CNTNAP3B: variants seen among roughly 807,000 people sequenced by gnomAD.
CNTNAP3B encodes the protein contactin associated protein family member 3B.
Under a neutral mutation model 108.9 loss-of-function variants are expected in CNTNAP3B, and 25 were observed. The ratio of observed to expected loss-of-function variants is 0.23; its 90% confidence interval spans 0.17 to 0.32. CNTNAP3B has a LOEUF of 0.32. Among genes scored for constraint, CNTNAP3B ranks in the 10% least tolerant of loss-of-function variants. The pLI is 1.00. For missense variants in CNTNAP3B, 252 were observed against 1,210.4 expected (o/e 0.21, Z 11.75); for synonymous variants, 103 against 473.4 (o/e 0.22, Z 10.16).
intron 3 of CNTNAP3B, among the ~76,000 whole-genome samples, chr9:42,055,304 T>TATAC (rs1309326857): frequency 7.4e-6 from 1 of 135,662 alleles, no homozygotes; most frequent in African/African-American, 2.9e-5. Context: ...TATATATATA[T>TATAC]ATACATATAT....
At chr9:41,940,867 A>C (rs1180980177) in intron 13 of CNTNAP3B, among the ~76,000 whole-genome samples, 18 of 152,376 alleles carry the variant, frequency 1.2e-4, no homozygotes, top group Admixed American at 5.2e-4. Context: ...AAACTAAAAT[A>C]ATTTGTCGCT....
rs1390217999 is a variant in CNTNAP3B, at chr9:41,956,594, C to T, written c.1877-3208G>A. Among the ~76,000 whole-genome samples, 10 of 150,148 alleles carry T rather than the reference C, an allele frequency of 6.7e-5. No homozygotes were observed. The East Asian group carries it at 1.2e-3, about 18-fold the overall frequency. On this transcript the variant is annotated intron_variant, in intron 12 of 23. Coordinates refer to ENST00000377561, the MANE Select transcript of CNTNAP3B (RefSeq NM_001201380.3). ...CCCAGAAGAAAAAAGAAAATAAGAT[C>T]CACTGTGTTCTGTTGTCAGGAGCAT...
chr9:42,030,176 C>A (rs1190016695), intron 3 of CNTNAP3B, among the ~76,000 whole-genome samples: 1 of 85,950 alleles, frequency 1.2e-5, no homozygotes, highest in East Asian at 3.9e-4. Context: ...AAAAAGAAGA[C>A]TGAAATAAAA....
At chr9:42,120,055 G>T (rs1828424673) in intron 1 of CNTNAP3B, among the ~76,000 whole-genome samples, 1 of 150,006 alleles carries the variant, frequency 6.7e-6, no homozygotes, top group South Asian at 2.1e-4. Flanking sequence ...AGAATGGAAG[G>T]AAATTTTTGC....
intron 15 of CNTNAP3B, chr9:41,926,883 G>C (rs1244491836): frequency 6.6e-6 from 1 of 152,426 alleles, no homozygotes; most frequent in Non-Finnish European, 1.5e-5. Flanking sequence ...TTTCCAGAGA[G>C]AAAATAATCT....
At chr9:42,087,182 C>A in intron 2 of CNTNAP3B, among the ~76,000 whole-genome samples, 1 of 140,030 alleles carries the variant, frequency 7.1e-6, no homozygotes, top group South Asian at 2.3e-4. Context: ...TGTTAAAATT[C>A]ACTTATTAGT....
At position 41,953,117 on chromosome 9, in the gene CNTNAP3B, A is replaced by G. The variant is rs1331305151; in HGVS notation, c.2080+66T>C. The G allele has an allele frequency of 1.1e-5, 15 of 1,426,570 alleles. No homozygotes were observed. In the African/African-American group the frequency reaches 1.2e-4, roughly 11 times the overall value. 88.4% of individuals were successfully genotyped at this position (1,426,570 alleles called of 1,614,324 possible). A position where few individuals can be genotyped will look rare whatever the true frequency, so the allele number is the denominator to read the frequency against. On this transcript the variant is annotated intron_variant, in intron 13 of 23. Transcript: ENST00000377561. ...CCCTGGCCTTTTCTCCCTCAAAGGC[A>G]TCTCGCAGCCCGAGGGCCGCGCCCC...
chr9:41,913,421 T>C (rs1158801209), intron 18 of CNTNAP3B, among the ~76,000 whole-genome samples: 3 of 151,898 alleles, frequency 2.0e-5, no homozygotes, highest in Non-Finnish European at 4.4e-5. Context: ...ATTTGTTTTC[T>C]TTTCACTTTC....
At chr9:41,999,546 CATACA>C (rs1166913242) in intron 4 of CNTNAP3B, among the ~76,000 whole-genome samples, 4 of 123,144 alleles carry the variant, frequency 3.2e-5, no homozygotes, top group African/African-American at 1.4e-4. Context: ...CACACACACA[CATACA>C]CACACACACA....
At chr9:42,110,316 T>G (rs1022986777) in intron 1 of CNTNAP3B, among the ~76,000 whole-genome samples, 1 of 137,056 alleles carries the variant, frequency 7.3e-6, no homozygotes, top group Non-Finnish European at 1.5e-5. Flanking sequence ...TCCCCATGCT[T>G]GCGGCTGCAC....
In CNTNAP3B at chr9:42,037,924, C is replaced by T. The variant is rs1203334847; in HGVS notation, c.391-24399G>A. ...AAAGGGAAGCCCATCAGACTAACAGCGGATCTCTTGGCAGAAACTCTACAA... is the reference window on the plus strand; with the variant it reads ...AAAGGGAAGCCCATCAGACTAACAGTGGATCTCTTGGCAGAAACTCTACAA... On this transcript the variant is annotated intron_variant, in intron 3 of 23. Coordinates refer to ENST00000377561, the MANE Select transcript of CNTNAP3B (RefSeq NM_001201380.3). Among the ~76,000 whole-genome samples, 12 of 20,818 alleles carry T rather than the reference C, an allele frequency of 5.8e-4. 4 individuals are homozygous for T. The highest frequency in any genetic ancestry group is 1.4e-3 in the African/African-American group (11 of 7,692). 13.7% of individuals were successfully genotyped at this position (20,818 alleles called of 152,430 possible).
chr9:41,933,862 C>A (rs1824055259), intron 14 of CNTNAP3B, among the ~76,000 whole-genome samples: 1 of 152,198 alleles, frequency 6.6e-6, no homozygotes, highest in Non-Finnish European at 1.5e-5. Flanking sequence ...CATGACAATT[C>A]CGTAAAATTT....
intron 12 of CNTNAP3B, among the ~76,000 whole-genome samples, chr9:41,958,256 T>C (rs888823983): frequency 6.6e-6 from 1 of 152,308 alleles, no homozygotes; most frequent in Admixed American, 6.5e-5. Flanking sequence ...TACAGATACA[T>C]GTCACCATGC....
chr9:41,918,359 A>T (rs2117925538), intron 18 of CNTNAP3B, among the ~76,000 whole-genome samples: 1 of 148,174 alleles, frequency 6.7e-6, no homozygotes, highest in East Asian at 1.9e-4. Flanking sequence ...TGAGAGAGAA[A>T]AGTTGAAGGG....
intron 3 of CNTNAP3B, among the ~76,000 whole-genome samples, chr9:42,030,813 G>GAGGAGA (rs1156882673): frequency 4.6e-5 from 3 of 65,774 alleles, no homozygotes; most frequent in Non-Finnish European, 5.4e-5. Context: ...GAGAGAGAGA[G>GAGGAGA]GAGAGAGAGA....
Position 42,075,174 on chromosome 9 carries a change from C to A in CNTNAP3B, c.390+1695G>T, listed in dbSNP as rs1478744601. The stretch of plus-strand genomic sequence containing the variant: ...TACATCTGTCTCTGGGTCCAAAGGT[C>A]CTTCTTGATGAGGACACCAGTCATA... On this transcript the variant is annotated intron_variant, in intron 3 of 23. Coordinates refer to ENST00000377561, the MANE Select transcript of CNTNAP3B (RefSeq NM_001201380.3). Among the ~76,000 whole-genome samples, 4 of 145,232 alleles carry A rather than the reference C, an allele frequency of 2.8e-5. No individual in the cohort carries two copies. The East Asian group carries it at 8.2e-4, about 30-fold the overall frequency.
intron 1 of CNTNAP3B, among the ~76,000 whole-genome samples, chr9:42,106,359 G>T: frequency 1.2e-5 from 1 of 81,808 alleles, no homozygotes. Context: ...AGGTGAGTCA[G>T]ACACTGGAAT....
At chr9:42,056,864 G>C (rs1827085116) in intron 3 of CNTNAP3B, among the ~76,000 whole-genome samples, 1 of 73,152 alleles carries the variant, frequency 1.4e-5, no homozygotes, top group South Asian at 5.4e-4. Context: ...CTTTAATGTG[G>C]TCTTGGTTTT....
rs1333989265 is a variant in CNTNAP3B at position 42,116,731 on chromosome 9, AT to A, written c.86-11993del. ...CCAATTAAAAGACACAGAGTGGCAA[AT>A]TGGATAAAGAGTCAAGACCCATCAG... On this transcript the variant is annotated intron_variant, in intron 1 of 23. Coordinates refer to ENST00000377561, the MANE Select transcript of CNTNAP3B (RefSeq NM_001201380.3). Among the ~76,000 whole-genome samples, 5 of 140,050 alleles carry A rather than the reference AT, an allele frequency of 3.6e-5. 1 individual carries two copies. In the East Asian group the frequency reaches 1.1e-3, roughly 30 times the overall value. 91.9% of individuals were successfully genotyped at this position (140,050 alleles called of 152,430 possible).
Sources: gnomAD v4.1 joint callset for allele counts (sites outside exome capture counted in the v4.1 genomes callset) on GRCh38, gnomAD v4.1.1 for gene constraint, MANE v1.5 for transcripts, NCBI Gene and HGNC (gene_info 2026-07-23, HGNC 2026-07-21) for gene names.